Variants in CENPW observed in about 807,000 individuals in gnomAD.
The protein encoded by CENPW is centromere protein W, also known as cancer-up-regulated gene 2 protein.
In CENPW, 3 loss-of-function variants were observed where a neutral mutation model predicts 11.1. The ratio of observed to expected loss-of-function variants is 0.27; its 90% CI spans 0.12 to 0.70. The LOEUF (loss-of-function observed/expected upper bound fraction) is 0.70. CENPW is among the 30% of genes least tolerant of loss of function. The pLI is 0.77. For synonymous variants in CENPW, 38 were observed against 42.0 expected, an observed-to-expected ratio of 0.91 and a Z score of 0.37; for missense variants, 100 against 105.6, an observed-to-expected ratio of 0.95 and a Z score of 0.23.
chr6:126,474,065 G>T, the CENPW span, among the ~76,000 whole-genome samples: 1 of 149,268 alleles, frequency 6.7e-6, no homozygotes, highest in Non-Finnish European at 1.5e-5. Flanking sequence ...GGCACAATGA[G>T]AGTAGAATAT....
At chr6:126,468,367 C>A in the CENPW span, among the ~76,000 whole-genome samples, 1 of 134,508 alleles carries the variant, frequency 7.4e-6, no homozygotes, top group Non-Finnish European at 1.5e-5. Context: ...TTGCAATGAG[C>A]CGAAATAGCG....
At chr6:126,352,591 A>C (rs1780504031), downstream of CENPW, among the ~76,000 whole-genome samples, 1 of 152,066 alleles carries the variant, frequency 6.6e-6, no homozygotes, top group South Asian at 2.1e-4. Flanking sequence ...TCCTGTTTCC[A>C]ACTAGCTATA....
the CENPW span, among the ~76,000 whole-genome samples, chr6:126,375,834 T>C: frequency 1.3e-5 from 2 of 152,210 alleles, no homozygotes; most frequent in African/African-American, 2.4e-5. Context: ...TCCTTTCTAA[T>C]TTCTAATGAA....
At chr6:126,477,480 C>A in the CENPW span, among the ~76,000 whole-genome samples, 1 of 151,754 alleles carries the variant, frequency 6.6e-6, no homozygotes, top group East Asian at 1.9e-4. Flanking sequence ...GTTGAACCAA[C>A]CATTTTTAAG....
the CENPW span, among the ~76,000 whole-genome samples, chr6:126,406,956 G>A: frequency 6.6e-5 from 10 of 151,962 alleles, no homozygotes; most frequent in African/African-American, 2.4e-4. Context: ...AAGTTCCAGG[G>A]TACATGTGCA....
the CENPW span, among the ~76,000 whole-genome samples, chr6:126,354,062 CTG>C: frequency 2.6e-5 from 4 of 151,280 alleles, no homozygotes; most frequent in Middle Eastern, 3.2e-3. Context: ...TTTGGAGTAT[CTG>C]TTTTTTTTTC....
At chr6:126,347,804 G>A (rs1780437310) in intron 2 of CENPW, among the ~76,000 whole-genome samples, 1 of 151,816 alleles carries the variant, frequency 6.6e-6, no homozygotes, top group South Asian at 2.1e-4. Flanking sequence ...ACTTAAAATA[G>A]TAGATAAGTT....
chr6:126,424,047 A>T, the CENPW span, among the ~76,000 whole-genome samples: 7 of 152,064 alleles, frequency 4.6e-5, no homozygotes, highest in Admixed American at 2.0e-4. Flanking sequence ...TTTAGAAAAA[A>T]ATTTGTATTA....
chr6:126,482,498 G>A, the CENPW span, among the ~76,000 whole-genome samples: 1 of 151,608 alleles, frequency 6.6e-6, no homozygotes, highest in Non-Finnish European at 1.5e-5. Context: ...TTCACATTTA[G>A]GTTTTGATGG....
chr6:126,364,139 C>A, the CENPW span, among the ~76,000 whole-genome samples: 1 of 152,148 alleles, frequency 6.6e-6, no homozygotes, highest in Admixed American at 6.5e-5. Flanking sequence ...CAATACCTGG[C>A]ATTAAACCTG....
At chr6:126,380,625 T>A in the CENPW span, among the ~76,000 whole-genome samples, 5 of 152,198 alleles carry the variant, frequency 3.3e-5, no homozygotes, top group Admixed American at 6.5e-5. Flanking sequence ...GTCTTAACTC[T>A]AGCTTATCAC....
At chr6:126,461,242 C>G in the CENPW span, among the ~76,000 whole-genome samples, 5 of 150,858 alleles carry the variant, frequency 3.3e-5, no homozygotes, top group Non-Finnish European at 5.9e-5. Flanking sequence ...TCCGATTGTT[C>G]TAAAAATGGG....
chr6:126,379,583 T>C, the CENPW span, among the ~76,000 whole-genome samples: 1 of 152,238 alleles, frequency 6.6e-6, no homozygotes, highest in Non-Finnish European at 1.5e-5. Context: ...CCAACCAATG[T>C]GGTCTGAATC....
chr6:126,365,700 A>C, the CENPW span, among the ~76,000 whole-genome samples: 2 of 152,238 alleles, frequency 1.3e-5, no homozygotes, highest in African/African-American at 4.8e-5. Flanking sequence ...ACCCATGTGC[A>C]AAAATACATG....
the CENPW span, among the ~76,000 whole-genome samples, chr6:126,427,012 G>C: frequency 9.9e-5 from 15 of 152,232 alleles, no homozygotes; most frequent in African/African-American, 3.6e-4. Flanking sequence ...TTTTCCGACT[G>C]TGGAGCTAAT....
chr6:126,451,060 A>G, the CENPW span, among the ~76,000 whole-genome samples: 1 of 151,078 alleles, frequency 6.6e-6, no homozygotes, highest in Non-Finnish European at 1.5e-5. Context: ...TCTAATTAAC[A>G]TATTAGTAAT....
At chr6:126,394,351 A>G in the CENPW span, among the ~76,000 whole-genome samples, 1 of 151,982 alleles carries the variant, frequency 6.6e-6, no homozygotes, top group Non-Finnish European at 1.5e-5. Context: ...AAATCTTTTA[A>G]TCTATTATTT....
chr6:126,457,719 C>G, the CENPW span, among the ~76,000 whole-genome samples: 1 of 151,252 alleles, frequency 6.6e-6, no homozygotes, highest in Admixed American at 6.6e-5. Flanking sequence ...ATCACTAAAA[C>G]CACCGCTTGG....
the CENPW span, among the ~76,000 whole-genome samples, chr6:126,422,276 A>G: frequency 6.6e-6 from 1 of 152,136 alleles, no homozygotes; most frequent in Non-Finnish European, 1.5e-5. Flanking sequence ...ACCTAGTTAT[A>G]TACCTCTTTT....
Sources: allele counts gnomAD v4.1 joint callset (sites outside exome capture counted in the v4.1 genomes callset), GRCh38; gene constraint gnomAD v4.1.1; transcripts MANE v1.5; gene names NCBI Gene and HGNC (gene_info 2026-07-23, HGNC 2026-07-21).